Variants in CAMTA1 observed in about 807,000 individuals in gnomAD.
The protein encoded by CAMTA1 is calmodulin-binding transcription activator 1.
CAMTA1 carries 27 observed loss-of-function variants against 170.9 expected under a neutral mutation model. The ratio of observed to expected loss-of-function variants is 0.16; its 90% CI spans 0.12 to 0.22. The LOEUF is 0.22. CAMTA1 is among the 10% of genes least tolerant of loss of function. The probability of loss-of-function intolerance (pLI) is 1.00; values close to 1 mark genes in which losing one functional copy is unlikely to be tolerated. For synonymous variants in CAMTA1, 833 were observed against 891.5 expected, an observed-to-expected ratio of 0.93 and a Z score of 1.17; for missense variants, 1,619 against 2,217.2, an observed-to-expected ratio of 0.73 and a Z score of 5.42.
Position 6,919,817 on chromosome 1 carries a change from C to T in CAMTA1, c.234+94607C>T, listed in dbSNP as rs145401913. On this transcript the variant is annotated intron_variant, in intron 3 of 22. Transcript: ENST00000303635. ...GGGAAACTCCCCCTTATAATACTGT[C>T]GGATCTCAGGAGACTTATTCGCTAT... Among the ~76,000 whole-genome samples, 604 of 152,248 alleles carry T rather than the reference C, an allele frequency of 4.0e-3. 3 individuals are homozygous for T. The highest frequency in any genetic ancestry group is 7.0e-3 in the Non-Finnish European group (476 of 68,020).
At chr1:7,231,832 T>C (rs1274790383) in intron 4 of CAMTA1, among the ~76,000 whole-genome samples, 1 of 152,194 alleles carries the variant, frequency 6.6e-6, no homozygotes, top group Non-Finnish European at 1.5e-5. Flanking sequence ...CTAATCCTAT[T>C]GAACAGGATT....
chr1:6,856,437 T>C (rs777900170), intron 3 of CAMTA1, among the ~76,000 whole-genome samples: 1 of 148,202 alleles, frequency 6.7e-6, no homozygotes, highest in African/African-American at 2.5e-5. Context: ...GCAGACAAAA[T>C]AGACATTGAA....
chr1:6,847,487 A>G (rs1371266183), intron 3 of CAMTA1, among the ~76,000 whole-genome samples: 1 of 151,864 alleles, frequency 6.6e-6, no homozygotes, highest in African/African-American at 2.4e-5. Flanking sequence ...AGTTAAGGTT[A>G]GAGAGTAGCA....
intron 4 of CAMTA1, among the ~76,000 whole-genome samples, chr1:7,220,071 A>G (rs1044593801): frequency 6.6e-6 from 1 of 152,172 alleles, no homozygotes; most frequent in African/African-American, 2.4e-5. Flanking sequence ...AGCCTCTGGT[A>G]CTTTGTTACG....
At position 7,279,450 on chromosome 1, in the gene CAMTA1, G is replaced by A. The variant is rs371180671; in HGVS notation, c.438+29824G>A. ...GCAGATGGCCCGGGTCTTGGAGCAG[G>A]GAAGCCAGGGGACCGGCAGCCCCAA... On this transcript the variant is annotated intron_variant, in intron 5 of 22. Coordinates refer to ENST00000303635, the MANE Select transcript of CAMTA1 (RefSeq NM_015215.4). Among the ~76,000 whole-genome samples the A allele has an allele frequency of 5.3e-5, 8 of 152,270 alleles. No individual in the cohort carries two copies. The South Asian group carries it at 8.3e-4, about 16-fold the overall frequency.
intron 3 of CAMTA1, among the ~76,000 whole-genome samples, chr1:6,983,163 A>G (rs983654266): frequency 6.6e-6 from 1 of 152,162 alleles, no homozygotes; most frequent in Non-Finnish European, 1.5e-5. Context: ...GATTGTCCAA[A>G]TGTAAATTCC....
intron 5 of CAMTA1, among the ~76,000 whole-genome samples, chr1:7,303,420 A>G (rs541558367): frequency 8.3e-4 from 126 of 152,350 alleles, no homozygotes; most frequent in Non-Finnish European, 1.4e-3. Flanking sequence ...ACACATGCAC[A>G]AATATGTTTA....
intron 7 of CAMTA1, among the ~76,000 whole-genome samples, chr1:7,652,191 A>G (rs2095852652): frequency 6.6e-6 from 1 of 152,190 alleles, no homozygotes; most frequent in Admixed American, 6.5e-5. Flanking sequence ...CTAACCAGGC[A>G]CAAAGCCTGC....
intron 6 of CAMTA1, among the ~76,000 whole-genome samples, chr1:7,568,477 A>G (rs1033586071): frequency 6.7e-6 from 1 of 149,836 alleles, no homozygotes; most frequent in Non-Finnish European, 1.5e-5. Flanking sequence ...AACAACCATC[A>G]TCAACATCAC....
chr1:6,951,235 C>T (rs1242490823), intron 3 of CAMTA1, among the ~76,000 whole-genome samples: 1 of 152,140 alleles, frequency 6.6e-6, no homozygotes, highest in East Asian at 1.9e-4. Flanking sequence ...GCTGGGGAGG[C>T]CACAGGTGGG....
intron 3 of CAMTA1, among the ~76,000 whole-genome samples, chr1:6,899,554 G>GCGCACACACA (rs1306510241): frequency 0.01 from 1,440 of 141,142 alleles, 18 homozygotes; most frequent in Non-Finnish European, 0.012. Context: ...ACGCGCGCGC[G>GCGCACACACA]CACACACACA....
chr1:6,863,288 C>A (rs189362239), intron 3 of CAMTA1, among the ~76,000 whole-genome samples: 7 of 152,146 alleles, frequency 4.6e-5, no homozygotes, highest in African/African-American at 1.7e-4. Flanking sequence ...CATCTTATAA[C>A]CAAAAGTTTA....
chr1:7,005,170 G>T (rs1432112792), intron 3 of CAMTA1, among the ~76,000 whole-genome samples: 1 of 152,238 alleles, frequency 6.6e-6, no homozygotes, highest in Non-Finnish European at 1.5e-5. Context: ...GACCAACTGT[G>T]ACTATTTGCC....
At chr1:7,281,320 G>T (rs915710516) in intron 5 of CAMTA1, among the ~76,000 whole-genome samples, 9 of 152,142 alleles carry the variant, frequency 5.9e-5, no homozygotes, top group African/African-American at 2.2e-4. Flanking sequence ...TTAATAAATT[G>T]AGTTGCTTTA....
intron 1 of CAMTA1, among the ~76,000 whole-genome samples, chr1:6,796,063 A>G (rs559481305): frequency 6.6e-6 from 1 of 152,004 alleles, no homozygotes; most frequent in African/African-American, 2.4e-5. Context: ...ACATATTGAC[A>G]CAATATTTTT....
intron 6 of CAMTA1, among the ~76,000 whole-genome samples, chr1:7,615,541 G>T (rs923363815): frequency 5.3e-5 from 8 of 152,228 alleles, no homozygotes; most frequent in East Asian, 1.9e-4. Context: ...TGCATGTCAA[G>T]GGTACAGCAC....
chr1:7,150,992 G>T (rs887697636), intron 4 of CAMTA1, among the ~76,000 whole-genome samples: 1 of 152,196 alleles, frequency 6.6e-6, no homozygotes, highest in South Asian at 2.1e-4. Context: ...TTTACAGGGC[G>T]AAAATTAATG....
At position 7,333,091 on chromosome 1, in the gene CAMTA1, G is replaced by A. The variant is rs1485693136; in HGVS notation, c.438+83465G>A. On this transcript the variant is annotated intron_variant, in intron 5 of 22. Coordinates refer to ENST00000303635, the MANE Select transcript of CAMTA1 (RefSeq NM_015215.4). The surrounding 1 kb of genome is among the most constrained non-coding windows in gnomAD (Gnocchi z 4.4). The stretch of plus-strand genomic sequence containing the variant: ...CATTTATTGCTGCACCCACTCCAGC[G>A]GGCATGAGCAACAGAATCCTCTTTA... 2.0e-5 allele frequency among the ~76,000 whole-genome samples: 3 copies of A among 152,166 alleles called. No homozygotes were observed. The highest frequency in any genetic ancestry group is 4.8e-5 in the African/African-American group (2 of 41,444).
intron 4 of CAMTA1, among the ~76,000 whole-genome samples, chr1:7,223,479 G>A (rs1661184263): frequency 1.3e-5 from 2 of 151,964 alleles, no homozygotes; most frequent in Admixed American, 1.3e-4. Flanking sequence ...GGTCCTGAGG[G>A]GTCAGGAAAG....
Sources: allele counts gnomAD v4.1 joint callset (sites outside exome capture counted in the v4.1 genomes callset), GRCh38; gene constraint gnomAD v4.1.1; non-coding constraint Gnocchi (gnomAD v3.1); transcripts MANE v1.5; gene names NCBI Gene and HGNC (gene_info 2026-07-23, HGNC 2026-07-21).